Variants in URB2 observed in about 807,000 individuals in gnomAD.
The protein encoded by URB2 is unhealthy ribosome biogenesis protein 2 homolog.
URB2 carries 86 observed loss-of-function variants against 120.9 expected under a neutral mutation model. The ratio of observed to expected loss-of-function variants is 0.71; its 90% CI spans 0.60 to 0.85. The LOEUF is 0.85. Among genes scored for constraint, URB2 ranks in the 40% least tolerant of loss-of-function variants. The pLI, the probability that URB2 is intolerant of heterozygous loss-of-function variation, is 0.00. For synonymous variants in URB2, 755 were observed against 758.4 expected (o/e 1.00, Z 0.07); for missense variants, 1,765 against 1,836.5 (o/e 0.96, Z 0.71).
At position 229,645,867 on chromosome 1, in the gene URB2, G is replaced by A. The variant is rs1666133747; in HGVS notation, c.3804G>A (p.Val1268=). The A allele has an allele frequency of 6.2e-7, 1 of 1,613,834 alleles. No individual in the cohort carries two copies. Among genetic ancestry groups the A allele is most frequent in the Admixed American group, 1.7e-5 (1 of 60,004 alleles). Residue 1268 remains valine, a synonymous_variant, in exon 6 of 10, where the codon GTG becomes GTA. Coordinates refer to ENST00000258243, the MANE Select transcript of URB2 (RefSeq NM_014777.4). ...NMWKADVQAV[V]SAVTLLRLLL... is the part of the protein sequence containing the mutation. ...TTTCTCTCTTGCCCCAGGCTGTTGT[G>A]TCAGCTGTTACACTGCTGAGGCTGC... is the stretch of plus-strand genomic sequence containing the variant.
Position 229,632,320 on chromosome 1 carries a change from C to T in URB2, c.178C>T (p.Leu60Phe). ...ATTGGTTGCATTTTATAAGAAAAAGCTTGAACTGAAGGAAGATATTGTTGA... is the reference window on the plus strand; with the variant it reads ...ATTGGTTGCATTTTATAAGAAAAAGTTTGAACTGAAGGAAGATATTGTTGA... ...QSLVAFYKKK[L>F]ELKEDIVERL... Residue 60 changes from leucine to phenylalanine, a missense_variant, in exon 3 of 10, where the codon CTT (leucine) becomes TTT (phenylalanine). Coordinates refer to ENST00000258243, the MANE Select transcript of URB2 (RefSeq NM_014777.4). The T allele has an allele frequency of 6.3e-7, 1 of 1,590,920 alleles. No homozygotes were observed. The highest frequency in any genetic ancestry group is 8.5e-7 in the Non-Finnish European group (1 of 1,172,678).
At position 229,659,190 on chromosome 1, in the gene URB2, C is replaced by A. The variant is rs114573548; in HGVS notation, c.4468C>A (p.Arg1490=). 1.2e-6 allele frequency: 2 copies of A among 1,613,618 alleles called. No homozygotes were observed. The highest frequency in any genetic ancestry group is 2.2e-5 in the East Asian group (1 of 44,890). The stretch of plus-strand genomic sequence containing the variant: ...CATCGAGCCTGACGTCCAGTTCCTG[C>A]GGGCCTCGCTGCAGCCGGGAATGAG... ...LCIEPDVQFL[R]ASLQPGMRDI... Residue 1490 remains arginine (R), a synonymous_variant, in exon 10 of 10, where the codon CGG becomes AGG. Transcript: ENST00000258243.
rs776666707 is a variant in URB2, at chr1:229,659,349, A to G, written c.*52A>G. The stretch of plus-strand genomic sequence containing the variant: ...GACACTGTCCAGAGGCTTTGGCTGC[A>G]TGGTCTGAAAGAGCTGGAGAATGAA... On this transcript the variant is annotated 3_prime_UTR_variant, in exon 10 of 10. Transcript: ENST00000258243. 2.5e-6 allele frequency: 4 copies of G among 1,572,140 alleles called. No homozygotes were observed. Among genetic ancestry groups the G allele is most frequent in the African/African-American group, 2.7e-5 (2 of 73,924 alleles).
At position 229,632,445 on chromosome 1, in the gene URB2, G is replaced by T; in HGVS notation, c.303G>T (p.Lys101Asn). 2 of 1,548,882 alleles carry T rather than the reference G, an allele frequency of 1.3e-6. No individual in the cohort carries two copies. The highest frequency in any genetic ancestry group is 2.6e-5 in the South Asian group (2 of 77,006). Residue 101 changes from lysine to asparagine, a missense_variant and splice_region_variant, in exon 3 of 10, where the codon AAG (lysine) becomes AAT (asparagine). Lys to Asn is a moderately conservative substitution (Grantham distance 94). Coordinates refer to ENST00000258243, the MANE Select transcript of URB2 (RefSeq NM_014777.4). ...KTINLQISLV[K>N]IINERVAEFS... ...TTAATCTTCAGATTTCCCTAGTCAA[G>T]GTAATTCACTTTTCTGTTCTGTATG...
intron 9 of URB2, among the ~76,000 whole-genome samples, chr1:229,656,705 G>C (rs1666414980): frequency 6.6e-6 from 1 of 152,174 alleles, no homozygotes; most frequent in African/African-American, 2.4e-5. Context: ...AGTAGTCAGG[G>C]AAGACGACCT....
chr1:229,658,424 G>GGA (rs1666452707), intron 9 of URB2, among the ~76,000 whole-genome samples: 1 of 152,192 alleles, frequency 6.6e-6, no homozygotes, highest in African/African-American at 2.4e-5. Context: ...TTAGGGATGA[G>GGA]GACCAGTTCA....
intron 2 of URB2, among the ~76,000 whole-genome samples, chr1:229,630,982 C>CAAAA (rs57940336): frequency 2.8e-3 from 177 of 63,714 alleles, no homozygotes; most frequent in South Asian, 4.3e-3. Context: ...AACTCCGTCT[C>CAAAA]AAAAAAAAAA....
intron 4 of URB2, among the ~76,000 whole-genome samples, chr1:229,640,262 A>C (rs1665971068): frequency 6.6e-6 from 1 of 152,186 alleles, no homozygotes; most frequent in Non-Finnish European, 1.5e-5. Flanking sequence ...ATAGATTATA[A>C]TGTTTTTGGA....
chr1:229,643,464 A>T, intron 4 of URB2, 69 bp from the exon 5 acceptor site: 2 of 1,586,180 alleles, frequency 1.3e-6, no homozygotes, highest in Non-Finnish European at 1.7e-6. Flanking sequence ...GCGCAGTTTC[A>T]TCCTATGGCT....
Position 229,636,896 on chromosome 1 carries a change from C to G in URB2, c.2283C>G (p.Tyr761Ter). ...ATCTGTGTCCAGATGATGTGGGATA[C>G]CTGGCCAGTGTCCTGCTGAGAACTT... ...ISYLCPDDVG[Y>*]LASVLLRTLP... is the part of the protein sequence containing the mutation. The change falls in exon 4 of 10, where the codon TAC becomes TAG. Residue 761 changes from tyrosine to a stop codon, truncating the protein, a stop_gained. Coordinates refer to ENST00000258243, the MANE Select transcript of URB2 (RefSeq NM_014777.4). LOFTEE classifies it high-confidence loss of function. 2 of 1,611,212 alleles carry G rather than the reference C, an allele frequency of 1.2e-6. No homozygotes were observed. Among genetic ancestry groups the G allele is most frequent in the Non-Finnish European group, 1.7e-6 (2 of 1,178,222 alleles).
intron 2 of URB2, among the ~76,000 whole-genome samples, chr1:229,629,141 G>A (rs1477451431): frequency 4.6e-5 from 7 of 152,210 alleles, no homozygotes; most frequent in Non-Finnish European, 1.0e-4. Context: ...TTGTGAAGAG[G>A]AAACATGACA....
At chr1:229,641,175 G>T (rs760247646) in intron 4 of URB2, among the ~76,000 whole-genome samples, 22 of 151,938 alleles carry the variant, frequency 1.4e-4, no homozygotes, top group Non-Finnish European at 2.5e-4. Context: ...ACCATGCCCG[G>T]CTAATTGTTG....
chr1:229,646,005 C>G, intron 6 of URB2, 36 bp downstream of exon 6: 1 of 1,581,266 alleles, frequency 6.3e-7, no homozygotes, highest in Non-Finnish European at 8.7e-7. Flanking sequence ...TCTAGCTCCT[C>G]CCCTCCCTCT....
Position 229,635,799 on chromosome 1 carries a change from C to G in URB2, c.1186C>G (p.Leu396Val). 2 of 1,614,218 alleles carry G rather than the reference C, an allele frequency of 1.2e-6. No homozygotes were observed. Among genetic ancestry groups the G allele is most frequent in the East Asian group, 4.5e-5 (2 of 44,886 alleles). Residue 396 changes from leucine (L) to valine (V), a missense_variant, in exon 4 of 10, where the codon CTG (leucine) becomes GTG (valine). Coordinates refer to ENST00000258243, the MANE Select transcript of URB2 (RefSeq NM_014777.4). ...QFRFYRHVAE[L>V]LINHAQAPIP... ...CCGCTTTTACCGCCACGTGGCTGAGCTGCTGATAAACCATGCACAAGCACC... is the reference window on the plus strand; with the variant it reads ...CCGCTTTTACCGCCACGTGGCTGAGGTGCTGATAAACCATGCACAAGCACC...
At chr1:229,629,153 G>A (rs1384826707) in intron 2 of URB2, among the ~76,000 whole-genome samples, 1 of 152,198 alleles carries the variant, frequency 6.6e-6, no homozygotes, top group African/African-American at 2.4e-5. Context: ...AACATGACAC[G>A]TAATGGAACC....
In URB2 at chr1:229,635,389, T is replaced by C. The variant is rs923725536; in HGVS notation, c.776T>C (p.Leu259Ser). Residue 259 changes from leucine to serine, a missense_variant, in exon 4 of 10, where the codon TTG (leucine) becomes TCG (serine). Transcript: ENST00000258243. Reference sequence around the variant, plus strand: ...CTGTCATCCTACAAGGAGGGGCTCTTGGACCAGCAGCAAGGGGATGTGAAG... The same window carrying C: ...CTGTCATCCTACAAGGAGGGGCTCTCGGACCAGCAGCAAGGGGATGTGAAG... ...ELLSSYKEGLLDQQQGDVKTG... is the reference protein window; with the variant it reads ...ELLSSYKEGLSDQQQGDVKTG... 1 of 1,614,102 alleles carries C rather than the reference T, an allele frequency of 6.2e-7. No individual in the cohort carries two copies. Among genetic ancestry groups the C allele is most frequent in the South Asian group, 1.1e-5 (1 of 91,078 alleles).
In URB2 at chr1:229,627,737, G is replaced by A; in HGVS notation, c.104G>A (p.Cys35Tyr). The A allele has an allele frequency of 4.3e-6, 7 of 1,610,342 alleles. No individual in the cohort carries two copies. Among genetic ancestry groups the A allele is most frequent in the South Asian group, 3.3e-5 (3 of 90,320 alleles). Residue 35 changes from cysteine to tyrosine, a missense_variant, in exon 2 of 10, where the codon TGC becomes TAC. By Grantham distance (194) the Cys-to-Tyr change is radical (BLOSUM62 -2). Coordinates refer to ENST00000258243, the MANE Select transcript of URB2 (RefSeq NM_014777.4). ...LAHFAWISHQ[C>Y]FLPNKEQVLL... ...CACTTTGCTTGGATTTCTCACCAGT[G>A]CTTTCTTCCAAATAAAGAACAAGTA...
chr1:229,637,470 C>G lies in URB2; in HGVS notation c.2857C>G (p.Gln953Glu), dbSNP rs1665873385. The change falls in exon 4 of 10, where the codon CAA becomes GAA. Residue 953 changes from glutamine to glutamate, a missense_variant. Physicochemically the swap from Gln to Glu is conservative, Grantham distance 29. Transcript: ENST00000258243. ...TTCYQLLGYL[Q>E]KGKSARSVFK... The stretch of plus-strand genomic sequence containing the variant: ...TTGCTACCAACTTCTTGGTTACTTG[C>G]AAAAGGGGAAAAGTGCTCGCTCTGT... The G allele has an allele frequency of 2.5e-6, 4 of 1,614,126 alleles. No individual in the cohort carries two copies. The highest frequency in any genetic ancestry group is 1.1e-5 in the South Asian group (1 of 91,074).
At chr1:229,627,521 A>T in intron 1 of URB2, 100 bp from the exon 2 acceptor site, 2 of 1,117,202 alleles carry the variant, frequency 1.8e-6, no homozygotes, top group Non-Finnish European at 2.4e-6. Context: ...AATACATATT[A>T]GGTAAACAAG....
Sources: allele counts gnomAD v4.1 joint callset (sites outside exome capture counted in the v4.1 genomes callset), GRCh38; gene constraint gnomAD v4.1.1; transcripts MANE v1.5; gene names NCBI Gene and HGNC (gene_info 2026-07-23, HGNC 2026-07-21).